Variants in GLIS3 observed in about 807,000 individuals in gnomAD.
The protein encoded by GLIS3 is zinc finger protein GLIS3.
Under a neutral mutation model 78.6 loss-of-function variants are expected in GLIS3, and 53 were observed. That is an observed-to-expected ratio of 0.67 (90% confidence interval 0.54 to 0.85). The LOEUF is 0.85. Among genes scored for constraint, GLIS3 ranks in the 40% least tolerant of loss-of-function variants. GLIS3 has a pLI of 0.00. For synonymous variants in GLIS3, 684 were observed against 509.9 expected (o/e 1.34, Z -4.60); for missense variants, 1,703 against 1,231.1 (o/e 1.38, Z -5.74).
intron 4 of GLIS3, among the ~76,000 whole-genome samples, chr9:4,068,489 G>T (rs933627676): frequency 3.9e-5 from 6 of 152,146 alleles, no homozygotes; most frequent in Non-Finnish European, 7.4e-5. Context: ...GGCTAATGAT[G>T]TTTTTTAAAA....
intron 4 of GLIS3, among the ~76,000 whole-genome samples, chr9:3,952,428 A>G (rs558930001): frequency 1.3e-5 from 2 of 152,142 alleles, no homozygotes; most frequent in East Asian, 3.9e-4. Context: ...CACAATTTGC[A>G]CCTTCTTTGC....
upstream of GLIS3, among the ~76,000 whole-genome samples, chr9:4,350,572 GCTT>G (rs1817955760): frequency 6.6e-6 from 1 of 152,098 alleles, no homozygotes; most frequent in Non-Finnish European, 1.5e-5. Context: ...TTTCAGAACT[GCTT>G]TATTATCTCT....
the GLIS3 span, among the ~76,000 whole-genome samples, chr9:4,432,163 T>C: frequency 6.6e-6 from 1 of 152,206 alleles, no homozygotes; most frequent in Non-Finnish European, 1.5e-5. Flanking sequence ...TATAATTTCA[T>C]GATGATTATG....
intron 4 of GLIS3, among the ~76,000 whole-genome samples, chr9:4,010,105 A>G (rs534355642): frequency 1.3e-5 from 2 of 152,146 alleles, no homozygotes; most frequent in Admixed American, 6.5e-5. Flanking sequence ...GCAATCAAAA[A>G]TATCTCCAGG....
At chr9:3,882,814 G>C (rs1448257355) in intron 7 of GLIS3, among the ~76,000 whole-genome samples, 2 of 152,212 alleles carry the variant, frequency 1.3e-5, no homozygotes, top group African/African-American at 4.8e-5. Context: ...ATCTAGGGTG[G>C]AGGAAATCAC....
chr9:4,223,903 C>A (rs1281839458), intron 2 of GLIS3, among the ~76,000 whole-genome samples: 1 of 151,964 alleles, frequency 6.6e-6, no homozygotes, highest in Non-Finnish European at 1.5e-5. Context: ...GATCCAATTT[C>A]ACTGTTGTTC....
chr9:4,340,205 G>C (rs771908202), intron 2 of GLIS3, among the ~76,000 whole-genome samples: 13 of 150,636 alleles, frequency 8.6e-5, no homozygotes, highest in Non-Finnish European at 1.9e-4. Context: ...TACCACAGGG[G>C]AACAGAGTTA....
At position 3,829,318 on chromosome 9, in the gene GLIS3, C is replaced by T. The variant is rs1487479919; in HGVS notation, c.2648G>A (p.Gly883Asp). 2 of 1,613,724 alleles carry T rather than the reference C, an allele frequency of 1.2e-6. No homozygotes were observed. The highest frequency in any genetic ancestry group is 2.7e-5 in the African/African-American group (2 of 74,888). ...VFHRAFSTHS[G>D]ITVYDLPSSS... is the part of the protein sequence containing the mutation. Reference sequence around the variant, plus strand: ...ACAGACAACCAACACACCTGTAATGCCCGAGTGAGTCGAGAAGGCTCTGTG... The same window carrying T: ...ACAGACAACCAACACACCTGTAATGTCCGAGTGAGTCGAGAAGGCTCTGTG... The change falls in exon 10 of 11, where the codon GGC becomes GAC. Residue 883 changes from glycine (G) to aspartate (D), a missense_variant. Coordinates refer to ENST00000381971, the MANE Select transcript of GLIS3 (RefSeq NM_001042413.2).
chr9:3,830,701 T>C (rs1024870743), intron 9 of GLIS3, among the ~76,000 whole-genome samples: 6 of 152,350 alleles, frequency 3.9e-5, no homozygotes, highest in African/African-American at 1.4e-4. Flanking sequence ...CTTTGGACCC[T>C]TATTCCTGTG....
At chr9:3,943,182 T>C (rs1445341) in intron 4 of GLIS3, among the ~76,000 whole-genome samples, 36,300 of 152,148 alleles carry the variant, frequency 0.24, 6,177 homozygotes, top group African/African-American at 0.48. Context: ...ACTGGATGCA[T>C]TTACATGCTC....
At chr9:4,303,393 A>C (rs1817144246), upstream of GLIS3, among the ~76,000 whole-genome samples, 1 of 152,168 alleles carries the variant, frequency 6.6e-6, no homozygotes, top group African/African-American at 2.4e-5. Flanking sequence ...TTTCCATTTT[A>C]CTTTCCTGAG....
chr9:3,959,938 G>T (rs981386639), intron 4 of GLIS3, among the ~76,000 whole-genome samples: 6 of 152,192 alleles, frequency 3.9e-5, no homozygotes, highest in African/African-American at 9.6e-5. Context: ...GACCACCTGA[G>T]GTCAGGAGTT....
At chr9:4,045,053 G>C (rs1486820242) in intron 4 of GLIS3, among the ~76,000 whole-genome samples, 1 of 152,176 alleles carries the variant, frequency 6.6e-6, no homozygotes, top group Non-Finnish European at 1.5e-5. Flanking sequence ...CATAGGACTA[G>C]GGTGGAAGTC....
chr9:4,097,151 G>A (rs1830012929), intron 4 of GLIS3, among the ~76,000 whole-genome samples: 2 of 152,162 alleles, frequency 1.3e-5, no homozygotes, highest in Admixed American at 6.5e-5. Context: ...AAGGTTTGGC[G>A]AGCTGCACAT....
chr9:3,880,866 T>C (rs982074174), intron 7 of GLIS3, among the ~76,000 whole-genome samples: 3 of 152,142 alleles, frequency 2.0e-5, no homozygotes, highest in South Asian at 2.1e-4. Context: ...ATTTGAAGGG[T>C]TTATTTCTGG....
At chr9:4,159,574 CTG>C (rs1835313233) in intron 2 of GLIS3, among the ~76,000 whole-genome samples, 1 of 152,064 alleles carries the variant, frequency 6.6e-6, no homozygotes, top group Admixed American at 6.6e-5. Flanking sequence ...CAAAAATTAA[CTG>C]GGCATGGTGG....
chr9:4,340,559 T>C (rs1276288381), intron 2 of GLIS3, among the ~76,000 whole-genome samples: 2 of 152,160 alleles, frequency 1.3e-5, no homozygotes, highest in Non-Finnish European at 2.9e-5. Context: ...GTATTTGTGG[T>C]GGCAGGACAG....
chr9:4,165,238 C>T (rs749376778), intron 2 of GLIS3, among the ~76,000 whole-genome samples: 6 of 152,068 alleles, frequency 3.9e-5, no homozygotes, highest in Non-Finnish European at 5.9e-5. Context: ...GTCAGGAGTT[C>T]GAGACCAGCC....
At chr9:4,094,454 C>T (rs1588658592) in intron 4 of GLIS3, among the ~76,000 whole-genome samples, 1 of 152,102 alleles carries the variant, frequency 6.6e-6, no homozygotes, top group Non-Finnish European at 1.5e-5. Flanking sequence ...AGACAGGTTA[C>T]GTGCCAGTGC....
Sources: allele counts gnomAD v4.1 joint callset (sites outside exome capture counted in the v4.1 genomes callset), GRCh38; gene constraint gnomAD v4.1.1; transcripts MANE v1.5; gene names NCBI Gene and HGNC (gene_info 2026-07-23, HGNC 2026-07-21).